HIVEP3: variants seen among roughly 807,000 people sequenced by gnomAD.
The protein encoded by HIVEP3 is transcription factor HIVEP3.
HIVEP3 carries 49 observed loss-of-function variants against 152.8 expected under a neutral mutation model. That is an observed-to-expected ratio of 0.32 (90% CI 0.26 to 0.41). The LOEUF is 0.41. Among genes scored for constraint, HIVEP3 ranks in the 10% least tolerant of loss-of-function variants. The pLI is 1.00. For missense variants in HIVEP3, 2,790 were observed against 3,103.3 expected, an observed-to-expected ratio of 0.90 and a Z score of 2.40; for synonymous variants, 1,269 against 1,289.0, an observed-to-expected ratio of 0.98 and a Z score of 0.33.
chr1:41,873,338 A>G lies in HIVEP3; in HGVS notation c.-801+45075T>C, dbSNP rs1183591442. ...TTGGGGGTACCACTAGGCCCCGGGG[A>G]CATGCACTCAGCTGGCCCAGGCACC... On this transcript the variant is annotated intron_variant, in intron 1 of 8. Coordinates refer to ENST00000372583, the MANE Select transcript of HIVEP3 (RefSeq NM_024503.5). This position sits in a 1 kb window ranked among gnomAD's most constrained non-coding sequence, Gnocchi z 4.2. Among the ~76,000 whole-genome samples the G allele has an allele frequency of 1.3e-5, 2 of 152,230 alleles. No homozygotes were observed. The highest frequency in any genetic ancestry group is 3.8e-4 in the East Asian group (2 of 5,200).
In HIVEP3 at chr1:42,028,739, C is replaced by T. The variant is rs151291022; in HGVS notation, n.119+7068G>A. On this transcript the variant is annotated intron_variant and non_coding_transcript_variant, in intron 1 of 3. Transcript: ENST00000489103. The stretch of plus-strand genomic sequence containing the variant: ...TTTAATTAAAAACAAAACAAGCCTT[C>T]TCTAATACATCCCTGACACTGAAGA... 7.4e-3 allele frequency among the ~76,000 whole-genome samples: 1,134 copies of T among 152,312 alleles called. 18 individuals carry two copies. Among genetic ancestry groups the T allele is most frequent in the African/African-American group, 0.026 (1,092 of 41,544 alleles).
At chr1:41,748,586 A>G (rs1647108281) in intron 1 of HIVEP3, among the ~76,000 whole-genome samples, 2 of 152,178 alleles carry the variant, frequency 1.3e-5, no homozygotes, top group Admixed American at 6.5e-5. Flanking sequence ...AGCACTTGTC[A>G]CCTGCCAGGT....
At chr1:41,944,637 G>A (rs149523504) in intron 1 of HIVEP3, among the ~76,000 whole-genome samples, 352 of 152,234 alleles carry the variant, frequency 2.3e-3, no homozygotes, top group African/African-American at 7.9e-3. Context: ...CCAGCAGCCC[G>A]GATCCCTTTC....
At chr1:41,967,451 C>T (rs1021644850) in intron 1 of HIVEP3, among the ~76,000 whole-genome samples, 4 of 152,124 alleles carry the variant, frequency 2.6e-5, no homozygotes, top group African/African-American at 9.7e-5. Context: ...TGAATGATTC[C>T]TGGGTAAATA....
intron 1 of HIVEP3, among the ~76,000 whole-genome samples, chr1:41,900,506 T>C (rs1209195082): frequency 6.6e-6 from 1 of 152,088 alleles, no homozygotes; most frequent in African/African-American, 2.4e-5. Context: ...TATTATTGCT[T>C]TTACGTTCTC....
chr1:41,659,649 G>A (rs1017513568), intron 2 of HIVEP3, among the ~76,000 whole-genome samples: 1 of 152,206 alleles, frequency 6.6e-6, no homozygotes, highest in Non-Finnish European at 1.5e-5. Flanking sequence ...TGCCCTCACA[G>A]TGCTTTGACA....
chr1:41,593,488 C>A (rs912306969), intron 3 of HIVEP3, among the ~76,000 whole-genome samples: 14 of 152,124 alleles, frequency 9.2e-5, no homozygotes, highest in African/African-American at 3.1e-4. Flanking sequence ...CATAGAATAT[C>A]TTCTGCATAC....
At chr1:41,519,135 C>T (rs931020325) in intron 6 of HIVEP3, among the ~76,000 whole-genome samples, 1 of 152,208 alleles carries the variant, frequency 6.6e-6, no homozygotes, top group Non-Finnish European at 1.5e-5. Flanking sequence ...GCTTGGTTTC[C>T]ATAGAGAAGT....
At chr1:41,682,381 A>G (rs911756582) in intron 2 of HIVEP3, among the ~76,000 whole-genome samples, 5 of 151,978 alleles carry the variant, frequency 3.3e-5, no homozygotes, top group African/African-American at 1.2e-4. Flanking sequence ...TCTCAAGGGT[A>G]GGCACCAAGC....
chr1:41,879,393 A>C (rs890584845), intron 1 of HIVEP3, among the ~76,000 whole-genome samples: 3 of 152,208 alleles, frequency 2.0e-5, no homozygotes, highest in African/African-American at 7.2e-5. Context: ...CCCTCAGTGG[A>C]TTACAACACT....
chr1:41,722,412 C>CCTTCCTTCCTTT (rs1646688032), intron 1 of HIVEP3, among the ~76,000 whole-genome samples: 1 of 128,394 alleles, frequency 7.8e-6, no homozygotes, highest in South Asian at 2.5e-4. Context: ...GGCCTTCCTT[C>CCTTCCTTCCTTT]CTTCCTTCCT....
Position 41,584,777 on chromosome 1 carries a change from G to A in HIVEP3, c.21C>T (p.Val7=). The A allele has an allele frequency of 6.6e-7, 1 of 1,516,522 alleles. No individual in the cohort carries two copies. The highest frequency in any genetic ancestry group is 8.8e-7 in the Non-Finnish European group (1 of 1,133,890). The allele number at this position is 1,516,522 out of a possible 1,614,324, so 93.9% of individuals were successfully genotyped here. MDPEQS[V]KGTKKAEGSP... is the part of the protein sequence containing the mutation. ...TTCCCTCAGCCTTCTTGGTGCCCTT[G>A]ACACTTTGTTCAGGATCCATGACCT... Residue 7 remains valine (V), a synonymous_variant, in exon 4 of 9, where the codon GTC becomes GTT. Transcript: ENST00000372583. This position sits in a 1 kb window ranked among gnomAD's most constrained non-coding sequence, Gnocchi z 5.2.
At chr1:41,838,301 G>A (rs1292239334) in intron 1 of HIVEP3, among the ~76,000 whole-genome samples, 2 of 152,048 alleles carry the variant, frequency 1.3e-5, no homozygotes, top group African/African-American at 2.4e-5. Context: ...CATTTCCATC[G>A]CACAAGGATC....
chr1:41,895,914 T>C (rs936398147), intron 1 of HIVEP3, among the ~76,000 whole-genome samples: 3 of 152,230 alleles, frequency 2.0e-5, no homozygotes, highest in Admixed American at 1.3e-4. Flanking sequence ...AGGCCATTCA[T>C]TGGTACCCTC....
intron 5 of HIVEP3, among the ~76,000 whole-genome samples, chr1:41,526,350 A>C (rs1569729863): frequency 2.3e-5 from 2 of 86,586 alleles, no homozygotes; most frequent in South Asian, 3.9e-4. Flanking sequence ...CACACCCCAC[A>C]CTCACCCTCA....
intron 3 of HIVEP3, among the ~76,000 whole-genome samples, chr1:41,590,847 C>T (rs1337771450): frequency 6.6e-6 from 1 of 152,174 alleles, no homozygotes; most frequent in Non-Finnish European, 1.5e-5. Context: ...TGCGGCAACA[C>T]AGCACAGCGA....
At position 41,562,504 on chromosome 1, in the gene HIVEP3, C is replaced by T. The variant is rs545129901; in HGVS notation, c.5207+13040G>A. Among the ~76,000 whole-genome samples the T allele has an allele frequency of 7.9e-5, 12 of 151,976 alleles. No homozygotes were observed. The South Asian group carries it at 2.5e-3, about 32-fold the overall frequency. ...TTCCCTTTCCTTCCCTTCCTTCCTT[C>T]CTCTCTTTCTCCTTCCTCCCTTCCC... is the stretch of plus-strand genomic sequence containing the variant. On this transcript the variant is annotated intron_variant, in intron 5 of 8. Coordinates refer to ENST00000372583, the MANE Select transcript of HIVEP3 (RefSeq NM_024503.5).
intron 5 of HIVEP3, among the ~76,000 whole-genome samples, chr1:41,555,838 T>C (rs537971825): frequency 3.9e-5 from 6 of 152,210 alleles, no homozygotes; most frequent in African/African-American, 9.6e-5. Flanking sequence ...TTTCTATCTA[T>C]GGATACGACT....
intron 1 of HIVEP3, among the ~76,000 whole-genome samples, chr1:41,748,259 C>T (rs1184214180): frequency 6.6e-6 from 1 of 152,206 alleles, no homozygotes; most frequent in African/African-American, 2.4e-5. Flanking sequence ...TTGTCCCTCT[C>T]TTGTCCACCC....
Sources: allele counts gnomAD v4.1 joint callset (sites outside exome capture counted in the v4.1 genomes callset), GRCh38; gene constraint gnomAD v4.1.1; non-coding constraint Gnocchi (gnomAD v3.1); transcripts MANE v1.5; gene names NCBI Gene and HGNC (gene_info 2026-07-23, HGNC 2026-07-21).